The following ITCH variants were observed in gnomAD, a reference collection of about 807,000 sequenced individuals.
The protein encoded by ITCH is itchy E3 ubiquitin protein ligase, also known as E3 ubiquitin-protein ligase Itchy homolog.
ITCH carries 28 observed loss-of-function variants against 126.8 expected under a neutral mutation model. The observed-to-expected ratio is 0.22, with a 90% CI of 0.16 to 0.30. The LOEUF is 0.30. Ranked by LOEUF, ITCH falls within the 10% of genes least tolerant of loss-of-function variation. ITCH has a pLI of 1.00. For missense variants in ITCH, 631 were observed against 1,032.4 expected, an observed-to-expected ratio of 0.61 and a Z score of 5.33; for synonymous variants, 342 against 340.0, an observed-to-expected ratio of 1.01 and a Z score of -0.06.
intron 20 of ITCH, among the ~76,000 whole-genome samples, chr20:34,488,623 G>A (rs1451318697): frequency 6.6e-6 from 1 of 152,106 alleles, no homozygotes; most frequent in Non-Finnish European, 1.5e-5. Flanking sequence ...TGATGCACAA[G>A]AACTGACTGA....
intron 12 of ITCH, among the ~76,000 whole-genome samples, chr20:34,455,629 A>ATTTTTTTT (rs71194608): frequency 6.9e-6 from 1 of 144,886 alleles, no homozygotes. Flanking sequence ...TGCCTGGCTA[A>ATTTTTTTT]TTTTTTTTTT....
At chr20:34,381,350 T>G (rs2038054830) in intron 2 of ITCH, among the ~76,000 whole-genome samples, 1 of 151,844 alleles carries the variant, frequency 6.6e-6, no homozygotes, top group African/African-American at 2.4e-5. Flanking sequence ...TGGCGCAATC[T>G]CAGCTCACTG....
chr20:34,374,133 A>G (rs536173629), intron 2 of ITCH, among the ~76,000 whole-genome samples: 3 of 152,180 alleles, frequency 2.0e-5, no homozygotes, highest in Non-Finnish European at 4.4e-5. Context: ...AAGACAAGAT[A>G]AGCTCCAGAA....
intron 4 of ITCH, among the ~76,000 whole-genome samples, chr20:34,411,789 C>T (rs1979074507): frequency 6.6e-6 from 1 of 152,160 alleles, no homozygotes; most frequent in Non-Finnish European, 1.5e-5. Flanking sequence ...ATCCTTGACT[C>T]TAACATTGAT....
At chr20:34,421,474 A>C (rs1980756557) in intron 6 of ITCH, among the ~76,000 whole-genome samples, 1 of 152,206 alleles carries the variant, frequency 6.6e-6, no homozygotes, top group South Asian at 2.1e-4. Flanking sequence ...GCAATCTGAC[A>C]AATTTTCTTG....
chr20:34,375,165 C>T (rs1371899134), intron 2 of ITCH, among the ~76,000 whole-genome samples: 2 of 151,816 alleles, frequency 1.3e-5, no homozygotes, highest in Non-Finnish European at 2.9e-5. Flanking sequence ...CCTCAGCCTC[C>T]CAAGTAGCTG....
At chr20:34,501,939 G>GA (rs1475093427) in intron 23 of ITCH, among the ~76,000 whole-genome samples, 1 of 152,102 alleles carries the variant, frequency 6.6e-6, no homozygotes, top group Non-Finnish European at 1.5e-5. Context: ...TCAAGGTGGA[G>GA]AAAAATGAGG....
chr20:34,488,730 TAAAAG>T (rs1311292872), intron 20 of ITCH, among the ~76,000 whole-genome samples: 21 of 149,564 alleles, frequency 1.4e-4, no homozygotes, highest in Admixed American at 4.0e-4. Flanking sequence ...AAAAACAAAA[TAAAAG>T]AAAAAAAAAG....
chr20:34,397,917 T>TA (rs2146092382), intron 3 of ITCH, among the ~76,000 whole-genome samples: 1 of 152,256 alleles, frequency 6.6e-6, no homozygotes, highest in East Asian at 1.9e-4. Context: ...AAAAAAATAG[T>TA]AAATTATTCT....
At chr20:34,413,594 C>A (rs1979367723) in intron 5 of ITCH, 148 bp from the exon 6 acceptor site, 2 of 680,200 alleles carry the variant, frequency 2.9e-6, no homozygotes, top group Non-Finnish European at 4.7e-6. Context: ...AGTGTTCAAA[C>A]CTTGGGTGAA....
chr20:34,413,580 C>T (rs1295520004), intron 5 of ITCH, among the ~76,000 whole-genome samples, 162 bp from the exon 6 acceptor site: 1 of 152,080 alleles, frequency 6.6e-6, no homozygotes, highest in Admixed American at 6.6e-5. Flanking sequence ...GTTTTGGTGT[C>T]AAAAGTGTTC....
At position 34,482,809 on chromosome 20, in the gene ITCH, T is replaced by A. The variant is rs1041260130; in HGVS notation, c.2093+1603T>A. Among the ~76,000 whole-genome samples, 6 of 152,224 alleles carry A rather than the reference T, an allele frequency of 3.9e-5. No homozygotes were observed. In the East Asian group the frequency reaches 9.7e-4, roughly 25 times the overall value. On this transcript the variant is annotated intron_variant, in intron 20 of 24. Coordinates refer to ENST00000374864, the MANE Select transcript of ITCH (RefSeq NM_031483.7). ...CTGTATGGGCCTCCAACTTCACATT[T>A]CCCCTCCACACTGACCTAGCAGAGG...
intron 14 of ITCH, among the ~76,000 whole-genome samples, chr20:34,468,790 C>CA (rs141622524): frequency 0.5 from 69,343 of 138,904 alleles, 16,683 homozygotes; most frequent in Middle Eastern, 0.55. Context: ...GACTCCATCT[C>CA]AAAAAAAAAA....
chr20:34,490,007 A>T (rs1989399653), intron 22 of ITCH, 81 bp downstream of exon 22: 5 of 958,246 alleles, frequency 5.2e-6, no homozygotes, highest in South Asian at 2.6e-5. Flanking sequence ...AATGAGTCAC[A>T]GGTCAAAATG....
At chr20:34,429,622 A>G (rs1982018788) in intron 7 of ITCH, among the ~76,000 whole-genome samples, 2 of 152,166 alleles carry the variant, frequency 1.3e-5, no homozygotes, top group Non-Finnish European at 2.9e-5. Flanking sequence ...GTAAAAACAG[A>G]CTTCTTATAT....
At chr20:34,450,250 T>C (rs1427555116) in intron 12 of ITCH, among the ~76,000 whole-genome samples, 4 of 152,200 alleles carry the variant, frequency 2.6e-5, no homozygotes, top group East Asian at 1.9e-4. Context: ...GTGAGACTTT[T>C]TGTGCAATTT....
At chr20:34,403,504 T>C (rs1243539864) in intron 3 of ITCH, among the ~76,000 whole-genome samples, 1 of 152,170 alleles carries the variant, frequency 6.6e-6, no homozygotes, top group Non-Finnish European at 1.5e-5. Context: ...TTTTGTTTTC[T>C]ACCATGACTA....
chr20:34,486,300 A>C (rs1022009673), intron 20 of ITCH, among the ~76,000 whole-genome samples: 5 of 150,824 alleles, frequency 3.3e-5, no homozygotes, highest in Admixed American at 2.0e-4. Flanking sequence ...AATTATAGGC[A>C]TGAGCCGCCG....
intron 14 of ITCH, among the ~76,000 whole-genome samples, chr20:34,469,795 T>A (rs1987448037): frequency 6.6e-6 from 1 of 152,180 alleles, no homozygotes; most frequent in South Asian, 2.1e-4. Flanking sequence ...CCTCTTAGAT[T>A]TGGCAGCATA....
Sources: allele counts gnomAD v4.1 joint callset (sites outside exome capture counted in the v4.1 genomes callset), GRCh38; gene constraint gnomAD v4.1.1; transcripts MANE v1.5; gene names NCBI Gene and HGNC (gene_info 2026-07-23, HGNC 2026-07-21).